SLC25A17: variants seen among roughly 807,000 people sequenced by gnomAD.
The protein encoded by SLC25A17 is peroxisomal membrane protein PMP34.
SLC25A17 carries 26 observed loss-of-function variants against 38.5 expected under a neutral mutation model. The ratio of observed to expected loss-of-function variants is 0.68; its 90% CI spans 0.50 to 0.94. The LOEUF is 0.94. Ranked by LOEUF, SLC25A17 falls within the 40% of genes least tolerant of loss-of-function variation. The pLI is 0.00. For missense variants in SLC25A17, 333 were observed against 372.7 expected (o/e 0.89, Z 0.88); for synonymous variants, 139 against 136.2 (o/e 1.02, Z -0.14).
intron 4 of SLC25A17, among the ~76,000 whole-genome samples, chr22:40,785,245 A>T (rs2057327771): frequency 1.3e-5 from 2 of 152,214 alleles, no homozygotes; most frequent in African/African-American, 2.4e-5. Context: ...TTAGCTGGGC[A>T]TGATGGCTTG....
At chr22:40,806,574 G>A (rs1892936521) in intron 1 of SLC25A17, among the ~76,000 whole-genome samples, 1 of 151,100 alleles carries the variant, frequency 6.6e-6, no homozygotes, top group Admixed American at 6.6e-5. Context: ...AATTGCTCAA[G>A]GGGCTTAAAA....
chr22:40,801,376 C>A (rs1013368128), intron 1 of SLC25A17, among the ~76,000 whole-genome samples: 3 of 151,838 alleles, frequency 2.0e-5, no homozygotes, highest in Admixed American at 6.6e-5. Flanking sequence ...ATTTATGGCT[C>A]TTTCAGCACA....
intron 1 of SLC25A17, among the ~76,000 whole-genome samples, chr22:40,811,261 T>G (rs2095518398): frequency 6.6e-6 from 1 of 150,436 alleles, no homozygotes; most frequent in East Asian, 1.9e-4. Flanking sequence ...TAATTTTTGT[T>G]TTTTTTTTTA....
intron 1 of SLC25A17, among the ~76,000 whole-genome samples, chr22:40,814,960 C>T (rs1252545278): frequency 6.6e-6 from 1 of 151,930 alleles, no homozygotes; most frequent in Non-Finnish European, 1.5e-5. Context: ...GCTGGGACTA[C>T]AGGCGCCTGC....
At chr22:40,819,009 G>A (rs531012018) in intron 1 of SLC25A17, among the ~76,000 whole-genome samples, 186 bp downstream of exon 1, 11 of 152,208 alleles carry the variant, frequency 7.2e-5, no homozygotes, top group African/African-American at 2.6e-4. Flanking sequence ...CGGAGTCTCG[G>A]CCCTTACCCC....
intron 1 of SLC25A17, 53 bp downstream of exon 1, chr22:40,819,142 C>T (rs2090912989): frequency 1.9e-6 from 3 of 1,594,350 alleles, no homozygotes; most frequent in Non-Finnish European, 2.6e-6. Flanking sequence ...CGGGACTGGC[C>T]CCCGAGAAGC....
chr22:40,774,111 C>T, intron 7 of SLC25A17, 92 bp from the exon 8 acceptor site: 1 of 713,854 alleles, frequency 1.4e-6, no homozygotes, highest in Non-Finnish European at 2.5e-6. Context: ...GGAGTAGTAT[C>T]TTATAGCATA....
chr22:40,772,140 T>C (rs905254713), intron 8 of SLC25A17, among the ~76,000 whole-genome samples: 2 of 152,176 alleles, frequency 1.3e-5, no homozygotes. Flanking sequence ...AGGTGTGGTA[T>C]ATAAAAATTT....
chr22:40,794,470 C>T, intron 3 of SLC25A17, 44 bp downstream of exon 3: 1 of 1,163,388 alleles, frequency 8.6e-7, no homozygotes, highest in South Asian at 1.2e-5. Flanking sequence ...ACAGGAATCT[C>T]CTAACAAGTT....
chr22:40,769,733 G>T lies in SLC25A17; in HGVS notation c.*1101C>A, dbSNP rs2057162953. Reference sequence around the variant, plus strand: ...CAATCACTTCTTCTCATGGGTCAGGGGTCCTATGGTCTCCTGAACTTTAAT... The same window carrying T: ...CAATCACTTCTTCTCATGGGTCAGGTGTCCTATGGTCTCCTGAACTTTAAT... On this transcript the variant is annotated 3_prime_UTR_variant, in exon 9 of 9. Transcript: ENST00000435456. 1 of 152,054 alleles carries T rather than the reference G, an allele frequency of 6.6e-6. No homozygotes were observed. 9.4% of individuals were successfully genotyped at this position (152,054 alleles called of 1,614,324 possible).
At chr22:40,816,751 C>CA (rs1331635054) in intron 1 of SLC25A17, among the ~76,000 whole-genome samples, 2 of 152,074 alleles carry the variant, frequency 1.3e-5, no homozygotes, top group Admixed American at 1.3e-4. Flanking sequence ...GCTGGGATTA[C>CA]AGGCGCCCAC....
At chr22:40,780,757 T>C (rs1173040360) in intron 4 of SLC25A17, among the ~76,000 whole-genome samples, 1 of 152,202 alleles carries the variant, frequency 6.6e-6, no homozygotes, top group Non-Finnish European at 1.5e-5. Flanking sequence ...ACAAGTGAAA[T>C]ATGTTGCCTG....
rs555572190 is a variant in SLC25A17, at chr22:40,818,819, A to T, written c.54+376T>A. Among the ~76,000 whole-genome samples the T allele has an allele frequency of 2.6e-5, 4 of 151,868 alleles. No homozygotes were observed. In the South Asian group the frequency reaches 8.3e-4, roughly 32 times the overall value. ...GCAAGCGTGAAGACAGGCTGTAGGG[A>T]AGCATGTGACTAAGCAACACGGCTT... On this transcript the variant is annotated intron_variant, in intron 1 of 8. Coordinates refer to ENST00000435456, the MANE Select transcript of SLC25A17 (RefSeq NM_006358.4).
chr22:40,780,659 A>G (rs1173155805), intron 4 of SLC25A17, among the ~76,000 whole-genome samples: 3 of 152,244 alleles, frequency 2.0e-5, no homozygotes, highest in Non-Finnish European at 4.4e-5. Context: ...ATTTGTTTTA[A>G]GAGAAAAGGA....
At chr22:40,805,543 G>A (rs1035972636) in intron 1 of SLC25A17, among the ~76,000 whole-genome samples, 3 of 152,174 alleles carry the variant, frequency 2.0e-5, no homozygotes, top group African/African-American at 7.2e-5. Context: ...CAACCTTTTA[G>A]GGATAATCCT....
At chr22:40,806,218 A>G (rs528769280) in intron 1 of SLC25A17, among the ~76,000 whole-genome samples, 262 of 152,344 alleles carry the variant, frequency 1.7e-3, no homozygotes, top group African/African-American at 6.2e-3. Context: ...GGAGGAAACT[A>G]AAAGCTGACC....
intron 1 of SLC25A17, among the ~76,000 whole-genome samples, chr22:40,810,381 C>T (rs1417349362): frequency 2.2e-4 from 31 of 142,902 alleles, no homozygotes; most frequent in Non-Finnish European, 3.9e-4. Context: ...GAGTTTCACT[C>T]TTGTTGCCCA....
intron 4 of SLC25A17, among the ~76,000 whole-genome samples, chr22:40,786,538 A>G (rs2057340126): frequency 6.6e-6 from 1 of 152,254 alleles, no homozygotes; most frequent in Admixed American, 6.5e-5. Flanking sequence ...ATACACTTTA[A>G]TGTCTAGATT....
intron 1 of SLC25A17, among the ~76,000 whole-genome samples, chr22:40,814,785 ATATATT>A (rs1382895420): frequency 1.1e-4 from 10 of 91,662 alleles, no homozygotes; most frequent in African/African-American, 4.5e-4. Flanking sequence ...ATATATATAT[ATATATT>A]GTTGTTGTTG....
Sources: allele counts gnomAD v4.1 joint callset (sites outside exome capture counted in the v4.1 genomes callset), GRCh38; gene constraint gnomAD v4.1.1; transcripts MANE v1.5; gene names NCBI Gene and HGNC (gene_info 2026-07-23, HGNC 2026-07-21).